DOK7: variants seen among roughly 807,000 people sequenced by gnomAD.
DOK7 encodes the protein protein Dok-7.
A neutral mutation model predicts 30.7 loss-of-function variants in DOK7; 32 were observed. The observed-to-expected ratio is 1.04, with a 90% CI of 0.79 to 1.40. DOK7 has a LOEUF of 1.40. Ranked by LOEUF, DOK7 falls within the 40% of genes most tolerant of loss-of-function variation. The pLI is 0.00. For synonymous variants in DOK7, 447 were observed against 324.1 expected (o/e 1.38, Z -4.07); for missense variants, 1,007 against 699.2 (o/e 1.44, Z -4.97).
chr4:3,496,801 C>CAGGTTCTCTTTGGTCTAGGG, downstream of DOK7: 1 of 1,535,844 alleles, frequency 6.5e-7, no homozygotes, highest in Non-Finnish European at 8.7e-7. Context: ...TGCACTGACC[C>CAGGTTCTCTTTGGTCTAGGG]AGGTTCTCTT....
In DOK7 at chr4:3,486,955, C is replaced by G. The variant is rs564445469; in HGVS notation, c.652+1297C>G. ...AGCAGAGGGAAGCAGGGAAGCAGTA[C>G]TGGGCAGAGGATGCCAGGGAGGGTT... is the stretch of plus-strand genomic sequence containing the variant. On this transcript the variant is annotated intron_variant, in intron 5 of 6. Transcript: ENST00000340083. 5.3e-5 allele frequency among the ~76,000 whole-genome samples: 8 copies of G among 152,236 alleles called. No homozygotes were observed. In the South Asian group the frequency reaches 1.7e-3, roughly 32 times the overall value.
intron 5 of DOK7, among the ~76,000 whole-genome samples, chr4:3,488,969 ATGCTGAGGCTCGCAGCAGCGG>A (rs1199602327): frequency 6.6e-6 from 1 of 152,190 alleles, no homozygotes; most frequent in East Asian, 1.9e-4. Context: ...CAGGGCAGTG[ATGCTGAGGCTCGCAGCAGCGG>A]TGCTGAGGGG....
At chr4:3,489,832 G>C (rs373696082) in intron 6 of DOK7, 36 bp downstream of exon 6, 7 of 1,558,644 alleles carry the variant, frequency 4.5e-6, no homozygotes, top group African/African-American at 1.4e-5. Context: ...GTGGGACCTC[G>C]GCTAAGCCTC....
At chr4:3,485,135 TC>T (rs899096597) in intron 4 of DOK7, among the ~76,000 whole-genome samples, 2 of 151,622 alleles carry the variant, frequency 1.3e-5, no homozygotes, top group Admixed American at 6.6e-5. Flanking sequence ...CATCCCCCCA[TC>T]CCCCCAAGCA....
chr4:3,491,674 G>C (rs923232588), intron 6 of DOK7, among the ~76,000 whole-genome samples: 1 of 152,226 alleles, frequency 6.6e-6, no homozygotes, highest in Admixed American at 6.5e-5. Context: ...CTTGTGGCTG[G>C]GGGAGACCAA....
intron 4 of DOK7, chr4:3,484,543 C>A: frequency 1.0e-6 from 1 of 985,518 alleles, no homozygotes. Context: ...CCCAGTGGCC[C>A]ATTCACGCGG....
intron 6 of DOK7, among the ~76,000 whole-genome samples, chr4:3,491,386 A>T (rs943529705): frequency 8.8e-6 from 1 of 113,780 alleles, no homozygotes; most frequent in Non-Finnish European, 1.8e-5. Context: ...CTGCTCGTTC[A>T]TTCCTTCCTG....
chr4:3,470,842 A>G (rs1050426140), intron 2 of DOK7, among the ~76,000 whole-genome samples: 1 of 152,158 alleles, frequency 6.6e-6, no homozygotes, highest in African/African-American at 2.4e-5. Context: ...TGACTGTATT[A>G]TTGGGAATGT....
At chr4:3,466,519 C>T (rs1418512910) in intron 2 of DOK7, among the ~76,000 whole-genome samples, 2 of 152,182 alleles carry the variant, frequency 1.3e-5, no homozygotes, top group African/African-American at 2.4e-5. Context: ...GGCTCCTGCC[C>T]CAACGGACTG....
Position 3,493,479 on chromosome 4 carries a change from T to C in DOK7, c.1493T>C (p.Leu498Pro). 6.2e-7 allele frequency: 1 copy of C among 1,611,208 alleles called. No homozygotes were observed. Among genetic ancestry groups the C allele is most frequent in the South Asian group, 1.1e-5 (1 of 90,798 alleles). ...TCGGCATGTCCAGTCTGTGGAGGACTCAAGGTAAACCCCCCTCCTTGAGAG... is the reference window on the plus strand; with the variant it reads ...TCGGCATGTCCAGTCTGTGGAGGACCCAAGGTAAACCCCCCTCCTTGAGAG... The part of the protein sequence containing the change: ...FFSACPVCGG[L>P]KVNPPP The change falls in exon 7 of 7, where the codon CTC (leucine) becomes CCC (proline). Residue 498 changes from leucine to proline, a missense_variant. Leu to Pro is a moderately conservative substitution (Grantham distance 98, BLOSUM62 -3). Coordinates refer to ENST00000340083, the MANE Select transcript of DOK7 (RefSeq NM_173660.5).
At chr4:3,466,681 A>G (rs1411494428) in intron 2 of DOK7, among the ~76,000 whole-genome samples, 1 of 152,152 alleles carries the variant, frequency 6.6e-6, no homozygotes, top group Non-Finnish European at 1.5e-5. Context: ...TCAGCTCCAC[A>G]TGTGGGAGCA....
intron 6 of DOK7, among the ~76,000 whole-genome samples, chr4:3,491,081 C>G (rs951361094): frequency 9.2e-6 from 1 of 108,928 alleles, no homozygotes; most frequent in African/African-American, 3.6e-5. Flanking sequence ...TTCCTTCTCC[C>G]CACTCCTGCT....
At chr4:3,481,405 T>G in intron 4 of DOK7, among the ~76,000 whole-genome samples, 1 of 147,378 alleles carries the variant, frequency 6.8e-6, no homozygotes, top group Non-Finnish European at 1.5e-5. Flanking sequence ...GTTAACAAGG[T>G]GGTGATGGAC....
At chr4:3,467,456 C>CA (rs1396357315) in intron 2 of DOK7, among the ~76,000 whole-genome samples, 8 of 132,324 alleles carry the variant, frequency 6.0e-5, no homozygotes, top group African/African-American at 8.1e-5. Context: ...AAGACCCCCC[C>CA]CCCCCACCCC....
downstream of DOK7, among the ~76,000 whole-genome samples, chr4:3,494,799 C>T (rs936013651): frequency 9.2e-5 from 14 of 152,142 alleles, no homozygotes; most frequent in South Asian, 8.3e-4. Context: ...CCGGTGAGGG[C>T]GGACCTCAGG....
Position 3,494,059 on chromosome 4 carries a change from C to T in DOK7, c.*558C>T. On this transcript the variant is annotated 3_prime_UTR_variant, in exon 7 of 7. Transcript: ENST00000340083. Reference sequence around the variant, plus strand: ...TGGGAGGAAACTGAAGCTCAGGAGGCTGTGTGGCTTGCGGGGTCTCTGGGT... The same window carrying T: ...TGGGAGGAAACTGAAGCTCAGGAGGTTGTGTGGCTTGCGGGGTCTCTGGGT... 1.0e-6 allele frequency: 1 copy of T among 987,378 alleles called. No homozygotes were observed. The allele number at this position is 987,378 out of a possible 1,614,324, so 61.2% of individuals were successfully genotyped here.
intron 6 of DOK7, among the ~76,000 whole-genome samples, chr4:3,490,018 G>GCTCATTCATTCCTTCCTTCTTCCTCCTA (rs771357415): frequency 1.0e-5 from 1 of 95,318 alleles, no homozygotes; most frequent in African/African-American, 3.4e-5. Context: ...TTCTCCTCCT[G>GCTCATTCATTCCTTCCTTCTTCCTCCTA]CTCATTCATT....
downstream of DOK7, among the ~76,000 whole-genome samples, chr4:3,496,188 C>G (rs750041401): frequency 3.3e-5 from 5 of 152,252 alleles, no homozygotes; most frequent in African/African-American, 4.8e-5. Context: ...CCCTTCAGAC[C>G]CCACCATAGG....
intron 5 of DOK7, among the ~76,000 whole-genome samples, chr4:3,487,515 G>A (rs891572638): frequency 1.3e-5 from 2 of 152,230 alleles, no homozygotes; most frequent in Non-Finnish European, 2.9e-5. Flanking sequence ...TGTGGACACC[G>A]AGTCCCAGAG....
Sources: gnomAD v4.1 joint callset for allele counts (sites outside exome capture counted in the v4.1 genomes callset) on GRCh38, gnomAD v4.1.1 for gene constraint, MANE v1.5 for transcripts, NCBI Gene and HGNC (gene_info 2026-07-23, HGNC 2026-07-21) for gene names.